Variants in TRHDE observed in about 807,000 individuals in gnomAD.
The protein encoded by TRHDE is thyrotropin releasing hormone degrading enzyme.
TRHDE carries 72 observed loss-of-function variants against 125.7 expected under a neutral mutation model. The observed-to-expected ratio is 0.57, with a 90% CI of 0.47 to 0.70. The LOEUF (loss-of-function observed/expected upper bound fraction) is 0.70. Among genes scored for constraint, TRHDE ranks in the 30% least tolerant of loss-of-function variants. The pLI is 0.00. For missense variants in TRHDE, 1,110 were observed against 1,327.1 expected, an observed-to-expected ratio of 0.84 and a Z score of 2.54; for synonymous variants, 509 against 509.1, an observed-to-expected ratio of 1.00 and a Z score of 0.00.
intron 2 of TRHDE, among the ~76,000 whole-genome samples, chr12:72,187,557 C>G (rs566968530): frequency 1.2e-4 from 18 of 150,556 alleles, no homozygotes; most frequent in Non-Finnish European, 1.8e-4. Flanking sequence ...TGTATCAGTC[C>G]CAGTTCAAGT....
chr12:72,254,617 T>C (rs1323881661), intron 2 of TRHDE: 1 of 152,232 alleles, frequency 6.6e-6, no homozygotes, highest in Non-Finnish European at 1.5e-5. Flanking sequence ...GCTTCCCACT[T>C]TATTGAGAAA....
At chr12:72,481,560 C>CTTT (rs145153780) in intron 5 of TRHDE, among the ~76,000 whole-genome samples, 2 of 134,092 alleles carry the variant, frequency 1.5e-5, no homozygotes, top group African/African-American at 5.4e-5. Context: ...TCTCTACAGT[C>CTTT]TTTTTTTTTT....
At chr12:72,650,632 C>G (rs1175175822) in intron 15 of TRHDE, among the ~76,000 whole-genome samples, 1 of 151,840 alleles carries the variant, frequency 6.6e-6, no homozygotes, top group Non-Finnish European at 1.5e-5. Flanking sequence ...TAGTATCATG[C>G]TTAATATTAA....
intron 12 of TRHDE, among the ~76,000 whole-genome samples, chr12:72,585,072 A>G (rs1871384074): frequency 6.6e-6 from 1 of 152,178 alleles, no homozygotes; most frequent in African/African-American, 2.4e-5. Context: ...ATGCCTGAAC[A>G]TGACCAGTGT....
rs1263894013 is a variant in TRHDE at position 72,667,408 on chromosome 12, T to TA, written c.*4215dup. ...AGCTGAATTATCATTTGACAATACA[T>TA]AAGAATATATATTGTATAGATACAA... On this transcript the variant is annotated 3_prime_UTR_variant, in exon 19 of 19. Transcript: ENST00000261180. 3 of 151,700 alleles carry TA rather than the reference T, an allele frequency of 2.0e-5. No homozygotes were observed. The highest frequency in any genetic ancestry group is 6.6e-5 in the Admixed American group (1 of 15,176). 9.4% of individuals were successfully genotyped at this position (151,700 alleles called of 1,614,324 possible). A position where few individuals can be genotyped will look rare whatever the true frequency, so the allele number is the denominator to read the frequency against.
chr12:72,214,658 AAAAC>A (rs1368851497), intron 2 of TRHDE, among the ~76,000 whole-genome samples: 11 of 152,200 alleles, frequency 7.2e-5, no homozygotes, highest in African/African-American at 1.7e-4. Flanking sequence ...TTAAACAATA[AAAAC>A]AAACAAACAA....
At chr12:72,524,216 C>T (rs78662992) in intron 6 of TRHDE, among the ~76,000 whole-genome samples, 13 of 152,222 alleles carry the variant, frequency 8.5e-5, no homozygotes, top group East Asian at 3.9e-4. Flanking sequence ...TTATCCTCTC[C>T]GTAAACTCTC....
At chr12:72,598,712 T>C (rs1183008867) in intron 12 of TRHDE, among the ~76,000 whole-genome samples, 1 of 152,116 alleles carries the variant, frequency 6.6e-6, no homozygotes, top group African/African-American at 2.4e-5. Context: ...CTGGTTAGTT[T>C]TTCTTTTCTT....
At chr12:72,343,179 A>G (rs76312366) in intron 2 of TRHDE, among the ~76,000 whole-genome samples, 1,841 of 152,194 alleles carry the variant, frequency 0.012, 34 homozygotes, top group African/African-American at 0.042. Context: ...GAAAACAGAG[A>G]AAGTCACTTC....
chr12:72,161,135 C>T (rs1345467232), intron 2 of TRHDE, among the ~76,000 whole-genome samples: 1 of 152,090 alleles, frequency 6.6e-6, no homozygotes, highest in Non-Finnish European at 1.5e-5. Context: ...TTAGTTGTAG[C>T]AAATAAAAAA....
At chr12:72,545,592 T>C (rs1218627471) in intron 7 of TRHDE, among the ~76,000 whole-genome samples, 4 of 151,600 alleles carry the variant, frequency 2.6e-5, no homozygotes, top group African/African-American at 9.7e-5. Flanking sequence ...TTTTTTTGAA[T>C]CTTTAATCAT....
chr12:72,196,694 C>T (rs1293426163), intron 2 of TRHDE, among the ~76,000 whole-genome samples: 1 of 152,036 alleles, frequency 6.6e-6, no homozygotes, highest in Non-Finnish European at 1.5e-5. Context: ...TTTGAATAAA[C>T]TCATTATTAT....
intron 5 of TRHDE, among the ~76,000 whole-genome samples, chr12:72,479,910 G>T (rs1351258163): frequency 6.6e-6 from 1 of 151,514 alleles, no homozygotes; most frequent in Non-Finnish European, 1.5e-5. Flanking sequence ...AGAACATGCG[G>T]TGTTTGGTTT....
chr12:72,330,834 A>G (rs1288007767), intron 2 of TRHDE, among the ~76,000 whole-genome samples: 1 of 152,176 alleles, frequency 6.6e-6, no homozygotes, highest in African/African-American at 2.4e-5. Flanking sequence ...AATCTTTAGA[A>G]CAGCGCTTCT....
chr12:72,298,204 C>G (rs146493883), intron 2 of TRHDE, among the ~76,000 whole-genome samples: 237 of 152,250 alleles, frequency 1.6e-3, no homozygotes, highest in African/African-American at 5.4e-3. Context: ...TCAGTGTATC[C>G]ATGATTACAG....
At chr12:72,228,651 A>T (rs988264585) in intron 2 of TRHDE, among the ~76,000 whole-genome samples, 1 of 152,126 alleles carries the variant, frequency 6.6e-6, no homozygotes, top group African/African-American at 2.4e-5. Flanking sequence ...AGTTTTCTAA[A>T]TTTTTATGCT....
At chr12:72,211,013 A>G (rs1213825183) in intron 2 of TRHDE, among the ~76,000 whole-genome samples, 1 of 152,200 alleles carries the variant, frequency 6.6e-6, no homozygotes, top group African/African-American at 2.4e-5. Flanking sequence ...ATTGATGCCT[A>G]TCCATTGATT....
intron 2 of TRHDE, among the ~76,000 whole-genome samples, chr12:72,348,876 A>C (rs12309772): frequency 0.11 from 16,220 of 151,952 alleles, 979 homozygotes; most frequent in Admixed American, 0.16. Context: ...AGTTGGAAAT[A>C]TTTTGTTTAG....
chr12:72,660,339 G>A (rs1275060817), intron 18 of TRHDE, among the ~76,000 whole-genome samples: 9 of 152,190 alleles, frequency 5.9e-5, no homozygotes, highest in Non-Finnish European at 1.3e-4. Flanking sequence ...GCCTCTGGAT[G>A]TCTGTGGGTA....
Sources: allele counts gnomAD v4.1 joint callset (sites outside exome capture counted in the v4.1 genomes callset), GRCh38; gene constraint gnomAD v4.1.1; transcripts MANE v1.5; gene names NCBI Gene and HGNC (gene_info 2026-07-23, HGNC 2026-07-21).